The following TCF3 variants were observed in gnomAD, a reference collection of about 807,000 sequenced individuals.
The protein encoded by TCF3 is transcription factor E2-alpha.
Under a neutral mutation model 72.3 loss-of-function variants are expected in TCF3, and 54 were observed. The observed-to-expected ratio is 0.75, with a 90% confidence interval of 0.60 to 0.94. The LOEUF is 0.94. Ranked by LOEUF, TCF3 falls within the 40% of genes least tolerant of loss-of-function variation. The pLI is 0.00. For synonymous variants in TCF3, 525 were observed against 412.6 expected (o/e 1.27, Z -3.30); for missense variants, 1,078 against 934.4 (o/e 1.15, Z -2.00).
At position 1,648,826 on chromosome 19, in the gene TCF3, G is replaced by T. The variant is rs55939322; in HGVS notation, c.72+1351C>A. ...ACGCTGCCACTGGGCATGGGGGGGGGGGGGGAGCAGAATTTAAGGACATCT... is the reference window on the plus strand; with the variant it reads ...ACGCTGCCACTGGGCATGGGGGGGGTGGGGGAGCAGAATTTAAGGACATCT... On this transcript the variant is annotated intron_variant, in intron 2 of 18. Coordinates refer to ENST00000262965, the MANE Select transcript of TCF3 (RefSeq NM_003200.5). 2.0e-5 allele frequency among the ~76,000 whole-genome samples: 3 copies of T among 147,406 alleles called. 1 individual carries two copies. The highest frequency in any genetic ancestry group is 2.5e-5 in the African/African-American group (1 of 40,446).
intron 2 of TCF3, among the ~76,000 whole-genome samples, chr19:1,648,684 G>T (rs867049044): frequency 6.6e-6 from 1 of 152,208 alleles, no homozygotes; most frequent in African/African-American, 2.4e-5. Context: ...CAGGGTGGCC[G>T]GTGTTGTTTC....
Position 1,633,559 on chromosome 19 carries a change from T to C in TCF3, c.146-1154A>G, listed in dbSNP as rs922841992. ...TGTTAATCATTCCCCCCGGGGAGTA[T>C]TGGTGTTTAATTGCTGTCTGATTTG... On this transcript the variant is annotated intron_variant, in intron 3 of 18. Coordinates refer to ENST00000262965, the MANE Select transcript of TCF3 (RefSeq NM_003200.5). Among the ~76,000 whole-genome samples, 9 of 152,340 alleles carry C rather than the reference T, an allele frequency of 5.9e-5. No individual in the cohort carries two copies. The South Asian group carries it at 6.2e-4, about 11-fold the overall frequency.
chr19:1,651,596 T>A (rs905568523), intron 1 of TCF3, among the ~76,000 whole-genome samples: 2 of 152,090 alleles, frequency 1.3e-5, no homozygotes, highest in African/African-American at 2.4e-5. Flanking sequence ...TTTGAGAGAC[T>A]TGGAGAATGT....
At chr19:1,627,776 GGTGA>G in intron 5 of TCF3, among the ~76,000 whole-genome samples, 1 of 151,266 alleles carries the variant, frequency 6.6e-6, no homozygotes, top group African/African-American at 2.4e-5. Context: ...GAGCTCACGG[GGTGA>G]GGTGGGAAGG....
rs373919754 is a variant in TCF3 at position 1,632,018 on chromosome 19, G to T, written c.298+20C>A. 3 of 1,610,202 alleles carry T rather than the reference G, an allele frequency of 1.9e-6. No individual in the cohort carries two copies. The highest frequency in any genetic ancestry group is 2.5e-6 in the Non-Finnish European group (3 of 1,178,378). On this transcript the variant is annotated intron_variant, in intron 5 of 18. Transcript: ENST00000262965. ...CACATCTGTGCACAGCAGAGGGACC[G>T]CACCAGGCCAGGCACTCACCTCCGA...
At chr19:1,648,883 C>G (rs1046180349) in intron 2 of TCF3, among the ~76,000 whole-genome samples, 2 of 152,078 alleles carry the variant, frequency 1.3e-5, no homozygotes, top group African/African-American at 2.4e-5. Flanking sequence ...AACCAAGGTC[C>G]CTGGGCTTCT....
intron 13 of TCF3, among the ~76,000 whole-genome samples, chr19:1,620,715 C>G (rs865983658): frequency 6.6e-6 from 1 of 152,196 alleles, no homozygotes; most frequent in Non-Finnish European, 1.5e-5. Flanking sequence ...GCTGCCTCCA[C>G]TAGGCAGCTT....
In TCF3 at chr19:1,632,502, G is replaced by A. The variant is rs147708474; in HGVS notation, c.146-97C>T. On this transcript the variant is annotated intron_variant, in intron 3 of 18. Transcript: ENST00000262965. ...CTCAGGGGCAAACCTCAGTGGACCC[G>A]GGGGGCTTGTGGAACCCTTCCTAAC... 1.2e-3 allele frequency: 1,637 copies of A among 1,329,726 alleles called. 20 individuals carry two copies. The African/African-American group carries it at 0.022, about 18-fold the overall frequency. 82.4% of individuals were successfully genotyped at this position (1,329,726 alleles called of 1,614,324 possible).
chr19:1,652,090 G>T (rs1161986346), intron 1 of TCF3, among the ~76,000 whole-genome samples: 2 of 149,784 alleles, frequency 1.3e-5, no homozygotes, highest in African/African-American at 4.9e-5. Context: ...CGGGCCTGGC[G>T]AGCTCCGGGC....
At chr19:1,637,177 C>G (rs924779024) in intron 3 of TCF3, among the ~76,000 whole-genome samples, 17 of 151,866 alleles carry the variant, frequency 1.1e-4, no homozygotes, top group African/African-American at 3.9e-4. Flanking sequence ...CAGGGACAAG[C>G]TCCTCCCCCA....
chr19:1,646,973 TCC>T (rs2066211775), intron 2 of TCF3, among the ~76,000 whole-genome samples: 1 of 151,938 alleles, frequency 6.6e-6, no homozygotes, highest in South Asian at 2.1e-4. Context: ...GGGCCCAGTG[TCC>T]CCCTACCAGG....
rs767215840 is a variant in TCF3 at position 1,612,287 on chromosome 19, T to C, written c.1823-438A>G. 18 of 1,613,754 alleles carry C rather than the reference T, an allele frequency of 1.1e-5. No individual in the cohort carries two copies. The South Asian group carries it at 1.9e-4, about 17-fold the overall frequency. On this transcript the variant is annotated intron_variant, in intron 18 of 18. Coordinates refer to ENST00000262965, the MANE Select transcript of TCF3 (RefSeq NM_003200.5). Reference sequence around the variant, plus strand: ...CAGCTTGGTCTGCGCTTTGTCCGACTTGAGGTGCATCTGGCACATGCGCCC... The same window carrying C: ...CAGCTTGGTCTGCGCTTTGTCCGACCTGAGGTGCATCTGGCACATGCGCCC...
At chr19:1,633,097 G>A (rs1303259015) in intron 3 of TCF3, among the ~76,000 whole-genome samples, 1 of 152,140 alleles carries the variant, frequency 6.6e-6, no homozygotes, top group African/African-American at 2.4e-5. Context: ...CCCGGGGCGG[G>A]GCGGGCGGGG....
At chr19:1,635,426 C>T (rs1356770656) in intron 3 of TCF3, among the ~76,000 whole-genome samples, 1 of 152,100 alleles carries the variant, frequency 6.6e-6, no homozygotes, top group East Asian at 1.9e-4. Flanking sequence ...GGCTCCCCAC[C>T]GTCCTCAGGA....
intron 10 of TCF3, 34 bp downstream of exon 10, chr19:1,622,020 C>T (rs41275840): frequency 1.3e-6 from 2 of 1,591,210 alleles, no homozygotes; most frequent in South Asian, 2.3e-5. Flanking sequence ...CTGCCACCCT[C>T]CGCCCACCCC....
In TCF3 at chr19:1,610,247, G is replaced by C. The variant is rs997464068; in HGVS notation, c.*1460C>G. ...ACGCACAGCCCAAGGCCTTCGTGGG[G>C]CTCAGACCAGCACAGTCCCCCGGCT... On this transcript the variant is annotated 3_prime_UTR_variant, in exon 19 of 19. Transcript: ENST00000262965. The C allele has an allele frequency of 2.6e-5, 6 of 231,862 alleles. No homozygotes were observed. The highest frequency in any genetic ancestry group is 1.3e-4 in the African/African-American group (6 of 45,222). The allele number at this position is 231,862 out of a possible 1,614,324, so 14.4% of individuals were successfully genotyped here.
rs1327667904 is a variant in TCF3, at chr19:1,610,787, G to C, written c.*920C>G. ...CCCCTTCCTGAGGGGAGAGGATGCG[G>C]CAGGGAAGCCCCAAGGTGCCTTCAT... On this transcript the variant is annotated 3_prime_UTR_variant, in exon 19 of 19. Transcript: ENST00000262965. 8.6e-6 allele frequency: 2 copies of C among 231,978 alleles called. No homozygotes were observed. Among genetic ancestry groups the C allele is most frequent in the African/African-American group, 4.4e-5 (2 of 45,196 alleles). The allele number at this position is 231,978 out of a possible 1,614,324, so 14.4% of individuals were successfully genotyped here.
intron 3 of TCF3, among the ~76,000 whole-genome samples, chr19:1,642,274 A>G (rs2065428522): frequency 6.6e-6 from 1 of 151,586 alleles, no homozygotes; most frequent in Non-Finnish European, 1.5e-5. Context: ...ACGCACGCAC[A>G]CGCACAGACG....
rs1000822038 is a variant in TCF3 at position 1,638,495 on chromosome 19, G to C, written c.146-6090C>G. On this transcript the variant is annotated intron_variant, in intron 3 of 18. Coordinates refer to ENST00000262965, the MANE Select transcript of TCF3 (RefSeq NM_003200.5). ...ATACGGCATTTCACCGTGTTAACCA[G>C]GATGGTCTCGATCTCCTGACCTCAT... Among the ~76,000 whole-genome samples, 9 of 152,156 alleles carry C rather than the reference G, an allele frequency of 5.9e-5. No homozygotes were observed. In the South Asian group the frequency reaches 1.9e-3, roughly 31 times the overall value.
Sources: allele counts gnomAD v4.1 joint callset (sites outside exome capture counted in the v4.1 genomes callset), GRCh38; gene constraint gnomAD v4.1.1; transcripts MANE v1.5; gene names NCBI Gene and HGNC (gene_info 2026-07-23, HGNC 2026-07-21).